CPNE7: variants seen among roughly 807,000 people sequenced by gnomAD.
CPNE7 encodes copine 7, also known as copine-7.
A neutral mutation model predicts 66.5 loss-of-function variants in CPNE7; 78 were observed. That is an observed-to-expected ratio of 1.17 (90% CI 0.98 to 1.42). The LOEUF (loss-of-function observed/expected upper bound fraction) is 1.42, where lower values mean the gene tolerates loss of function less well. CPNE7 is among the 40% of genes most tolerant of loss of function. The probability of loss-of-function intolerance (pLI) is 0.00; values close to 1 mark genes in which losing one functional copy is unlikely to be tolerated. For missense variants in CPNE7, 1,012 were observed against 776.6 expected (o/e 1.30, Z -3.60); for synonymous variants, 468 against 336.7 (o/e 1.39, Z -4.27).
At chr16:89,593,777 A>G (rs994694692) in intron 13 of CPNE7, among the ~76,000 whole-genome samples, 8 of 152,216 alleles carry the variant, frequency 5.3e-5, no homozygotes, top group African/African-American at 1.7e-4. Flanking sequence ...CATAGACTAT[A>G]TTCCAATTTC....
chr16:89,582,643 C>T (rs1384806989), intron 2 of CPNE7, among the ~76,000 whole-genome samples: 1 of 152,254 alleles, frequency 6.6e-6, no homozygotes, highest in Admixed American at 6.5e-5. Flanking sequence ...CCTGACTTGA[C>T]TTCCCCAGCC....
chr16:89,583,964 G>A (rs1290770224), intron 3 of CPNE7, 64 bp from the exon 4 acceptor site: 2 of 1,577,990 alleles, frequency 1.3e-6, no homozygotes, highest in Non-Finnish European at 1.7e-6. Context: ...TGGGGCCTCT[G>A]GTCCCCCACG....
intron 2 of CPNE7, among the ~76,000 whole-genome samples, chr16:89,579,236 G>T (rs755366448): frequency 6.6e-6 from 1 of 151,704 alleles, no homozygotes; most frequent in South Asian, 2.1e-4. Context: ...AGGTTTCAGC[G>T]AGCCGAGATC....
At chr16:89,592,726 G>C (rs1480482629) in intron 13 of CPNE7, among the ~76,000 whole-genome samples, 1 of 150,764 alleles carries the variant, frequency 6.6e-6, no homozygotes, top group Non-Finnish European at 1.5e-5. Context: ...ACAGGAGTGA[G>C]CCACCGCGCC....
intron 13 of CPNE7, among the ~76,000 whole-genome samples, chr16:89,594,412 G>A (rs978442683): frequency 1.3e-5 from 2 of 152,088 alleles, no homozygotes; most frequent in African/African-American, 4.8e-5. Context: ...TGGAGAAGGC[G>A]ACTCTGAGTG....
chr16:89,583,481 G>T, intron 2 of CPNE7: 2 of 1,552,506 alleles, frequency 1.3e-6, no homozygotes, highest in Non-Finnish European at 1.7e-6. Context: ...GACTGCTGGC[G>T]CCGTGAGGTG....
chr16:89,578,486 GT>G (rs1348301005), intron 2 of CPNE7, among the ~76,000 whole-genome samples: 1 of 152,156 alleles, frequency 6.6e-6, no homozygotes, highest in African/African-American at 2.4e-5. Flanking sequence ...GTGGCCGGCC[GT>G]GGTGGCTCAC....
intron 10 of CPNE7, among the ~76,000 whole-genome samples, chr16:89,589,576 C>T (rs1597714751): frequency 6.6e-6 from 1 of 152,260 alleles, no homozygotes; most frequent in South Asian, 2.1e-4. Flanking sequence ...TTGGTGAGGG[C>T]CACAGTGGGT....
In CPNE7 at chr16:89,586,679, G is replaced by C; in HGVS notation, c.790G>C (p.Asp264His). ...KAFEEGQAQW[D>H]CVNPKYKQKR... ...CTTGTTCCTGCCCCAGGCCCAGTGGGACTGTGTGAACCCCAAATACAAGCA... is the reference window on the plus strand; with the variant it reads ...CTTGTTCCTGCCCCAGGCCCAGTGGCACTGTGTGAACCCCAAATACAAGCA... Residue 264 changes from aspartate (D) to histidine (H), a missense_variant, in exon 8 of 15, where the codon GAC becomes CAC. Physicochemically the swap from Asp to His is moderately conservative, Grantham distance 81. Coordinates refer to ENST00000319518, the MANE Select transcript of CPNE7 (RefSeq NM_153636.3). 2.5e-6 allele frequency: 4 copies of C among 1,612,826 alleles called. No individual in the cohort carries two copies. The highest frequency in any genetic ancestry group is 1.1e-5 in the South Asian group (1 of 91,028).
At chr16:89,595,960 A>C (rs1211673686) in intron 14 of CPNE7, 2 of 516,114 alleles carry the variant, frequency 3.9e-6, no homozygotes, top group East Asian at 1.0e-4. Context: ...CACAGCACAC[A>C]CGTGAGGTTC....
chr16:89,585,406 C>T (rs951032018), intron 5 of CPNE7, 58 bp from the exon 6 acceptor site: 4 of 1,218,408 alleles, frequency 3.3e-6, no homozygotes, highest in African/African-American at 1.5e-5. Context: ...GGTCTCTATC[C>T]CCCCCAAGGA....
intron 2 of CPNE7, among the ~76,000 whole-genome samples, chr16:89,582,583 C>A (rs893554782): frequency 1.3e-5 from 2 of 152,216 alleles, no homozygotes; most frequent in Admixed American, 6.5e-5. Context: ...CTCCCCCTCC[C>A]AGCACCCAGG....
rs558745585 is a variant in CPNE7 at position 89,593,406 on chromosome 16, G to C, written c.1303-1961G>C. Reference sequence around the variant, plus strand: ...TCTCGCTCTTCACCCAGGCTGGAGTGCAGTGGCGCGATCTTGGTTCACTGC... The same window carrying C: ...TCTCGCTCTTCACCCAGGCTGGAGTCCAGTGGCGCGATCTTGGTTCACTGC... On this transcript the variant is annotated intron_variant, in intron 13 of 14. Coordinates refer to ENST00000319518, the MANE Select transcript of CPNE7 (RefSeq NM_153636.3). Among the ~76,000 whole-genome samples, 166 of 151,084 alleles carry C rather than the reference G, an allele frequency of 1.1e-3. 1 individual carries two copies. The highest frequency in any genetic ancestry group is 4.0e-3 in the South Asian group (19 of 4,786).
At position 89,595,528 on chromosome 16, in the gene CPNE7, C is replaced by T. The variant is rs781353019; in HGVS notation, c.1464C>T (p.Gly488=). Residue 488 remains glycine (G), a synonymous_variant, in exon 14 of 15, where the codon GGC becomes GGT. Coordinates refer to ENST00000319518, the MANE Select transcript of CPNE7 (RefSeq NM_153636.3). ...TGCAGGTCCTGGACGGCGACGACGG[C>T]GTCCTGCGCTCCCCACGGGGTGAGC... ...TDMQVLDGDD[G]VLRSPRGEPA... The T allele has an allele frequency of 3.0e-5, 49 of 1,612,472 alleles. No homozygotes were observed. Among genetic ancestry groups the T allele is most frequent in the Non-Finnish European group, 3.8e-5 (45 of 1,179,872 alleles).
rs116043605 is a variant in CPNE7, at chr16:89,596,651, G to C, written c.*30G>C. ...GTGGAGGGCGTAGGGTGGGGGCAGT[G>C]AGGAATGGGTCCGTACAGCCTCTGT... On this transcript the variant is annotated 3_prime_UTR_variant, in exon 15 of 15. Coordinates refer to ENST00000319518, the MANE Select transcript of CPNE7 (RefSeq NM_153636.3). The C allele has an allele frequency of 0.014, 21,690 of 1,568,700 alleles. 187 individuals carry two copies. The highest frequency in any genetic ancestry group is 0.017 in the Non-Finnish European group (19,302 of 1,164,644).
chr16:89,577,549 C>A lies in CPNE7; in HGVS notation c.185C>A (p.Thr62Asn). Residue 62 changes from threonine to asparagine, a missense_variant, in exon 2 of 15, where the codon ACC (threonine) becomes AAC (asparagine). By Grantham distance (65) the Thr-to-Asn change is moderately conservative. Coordinates refer to ENST00000319518, the MANE Select transcript of CPNE7 (RefSeq NM_153636.3). ...CAGGTGCACTTGCAGGTGGGCAGAA[C>A]CGAGGTGGTCCGGAGCAGCCTGCAT... is the stretch of plus-strand genomic sequence containing the variant. Reference protein sequence around the residue: ...AQGQWVQVGRTEVVRSSLHPV... With the variant: ...AQGQWVQVGRNEVVRSSLHPV... 1 of 1,551,400 alleles carries A rather than the reference C, an allele frequency of 6.4e-7. No individual in the cohort carries two copies. The highest frequency in any genetic ancestry group is 8.7e-7 in the Non-Finnish European group (1 of 1,146,922).
In CPNE7 at chr16:89,596,600, C is replaced by T. The variant is rs751125595; in HGVS notation, c.1656C>T (p.Ala552=). The change falls in exon 15 of 15, where the codon GCC becomes GCT. Residue 552 remains alanine (A), a synonymous_variant. Coordinates refer to ENST00000319518, the MANE Select transcript of CPNE7 (RefSeq NM_153636.3). The part of the protein sequence containing the change: ...PRSLGVPAGE[A]SPGCTP ...GCCTGGGTGTCCCTGCCGGAGAGGC[C>T]AGCCCAGGCTGCACACCGTGAAGAT... The T allele has an allele frequency of 6.2e-6, 10 of 1,605,196 alleles. No individual in the cohort carries two copies. In the African/African-American group the frequency reaches 1.2e-4, roughly 19 times the overall value.
In CPNE7 at chr16:89,584,686, A is replaced by AGT. The variant is rs2059008073; in HGVS notation, c.508-86_508-85dup. 2 of 952,120 alleles carry AGT rather than the reference A, an allele frequency of 2.1e-6. No homozygotes were observed. Among genetic ancestry groups the AGT allele is most frequent in the East Asian group, 2.5e-5 (1 of 39,356 alleles). 59.0% of individuals were successfully genotyped at this position (952,120 alleles called of 1,614,324 possible). A position where few individuals can be genotyped will look rare whatever the true frequency, so the allele number is the denominator to read the frequency against. On this transcript the variant is annotated intron_variant, in intron 4 of 14. Coordinates refer to ENST00000319518, the MANE Select transcript of CPNE7 (RefSeq NM_153636.3). The surrounding 1 kb of genome is among the most constrained non-coding windows in gnomAD (Gnocchi z 6.0). ...GAGGAATTAGCGGCTGGTGGCATGA[A>AGT]GTGAGCCCTGGGAAACGACAAAGCC...
At chr16:89,581,880 A>C (rs990088409) in intron 2 of CPNE7, among the ~76,000 whole-genome samples, 36 of 152,310 alleles carry the variant, frequency 2.4e-4, no homozygotes, top group African/African-American at 8.7e-4. Flanking sequence ...TCCCGGGCTC[A>C]CCGATCCACC....
Sources: gnomAD v4.1 joint callset for allele counts (sites outside exome capture counted in the v4.1 genomes callset) on GRCh38, gnomAD v4.1.1 for gene constraint, Gnocchi (gnomAD v3.1) non-coding constraint, MANE v1.5 for transcripts, NCBI Gene and HGNC (gene_info 2026-07-23, HGNC 2026-07-21) for gene names.